The following ZNF892 variants were observed in gnomAD, a reference collection of about 807,000 sequenced individuals.
ZNF892 encodes the protein zinc finger protein 570-like.
the ZNF892 span, chr2:95,212,283 G>A: frequency 1.5e-5 from 6 of 398,404 alleles, no homozygotes; most frequent in Non-Finnish European, 4.4e-6. Flanking sequence ...AGTCAAAAGC[G>A]TGAGTGTTGG....
chr2:95,215,130 T>C, the ZNF892 span: 4 of 480,794 alleles, frequency 8.3e-6, no homozygotes, highest in East Asian at 6.5e-5. Flanking sequence ...GTGTAACGAA[T>C]GTGGCAAAGC....
the ZNF892 span, among the ~76,000 whole-genome samples, chr2:95,239,933 G>A: frequency 1.3e-5 from 2 of 152,182 alleles, no homozygotes; most frequent in Non-Finnish European, 2.9e-5. Context: ...TCTGACCTAC[G>A]GGATAGTTTA....
the ZNF892 span, among the ~76,000 whole-genome samples, chr2:95,256,032 C>T: frequency 6.6e-6 from 1 of 152,146 alleles, no homozygotes; most frequent in African/African-American, 2.4e-5. Flanking sequence ...ACTCTTTATC[C>T]AATTTGCCAG....
chr2:95,258,526 C>T, the ZNF892 span, among the ~76,000 whole-genome samples: 5,586 of 152,238 alleles, frequency 0.037, 150 homozygotes, highest in Admixed American at 0.072. Context: ...ATGTGGGTTA[C>T]AGATTGGCAA....
chr2:95,223,140 T>G, the ZNF892 span, among the ~76,000 whole-genome samples: 1 of 152,248 alleles, frequency 6.6e-6, no homozygotes, highest in African/African-American at 2.4e-5. Flanking sequence ...TCTTGATTAC[T>G]GTAGCTTTGT....
At chr2:95,261,230 C>T in the ZNF892 span, among the ~76,000 whole-genome samples, 4 of 152,096 alleles carry the variant, frequency 2.6e-5, no homozygotes, top group African/African-American at 4.8e-5. Context: ...TGATGACTGA[C>T]ATTCCTTCCT....
chr2:95,231,303 C>T, the ZNF892 span, among the ~76,000 whole-genome samples: 10 of 152,208 alleles, frequency 6.6e-5, no homozygotes, highest in East Asian at 1.9e-4. Context: ...CACTACAGTA[C>T]GTATTACATT....
chr2:95,232,812 C>CATGTATGTGTGTGTGTATATATATAT, the ZNF892 span, among the ~76,000 whole-genome samples: 1 of 144,760 alleles, frequency 6.9e-6, no homozygotes, highest in Non-Finnish European at 1.5e-5. Flanking sequence ...CCTATATATA[C>CATGTATGTGTGTGTGTATATATATAT]ATGTATGTAT....
chr2:95,254,354 G>T, the ZNF892 span, among the ~76,000 whole-genome samples: 1 of 152,064 alleles, frequency 6.6e-6, no homozygotes, highest in Non-Finnish European at 1.5e-5. Flanking sequence ...GGTTTTTGTT[G>T]TTGGTTCTGT....
the ZNF892 span, among the ~76,000 whole-genome samples, chr2:95,233,672 CAAAAAAAAAAAAA>C: frequency 1.1e-4 from 4 of 35,174 alleles, no homozygotes; most frequent in African/African-American, 2.5e-4. Context: ...GACTCCATCT[CAAAAAAAAAAAAA>C]AAAAAAAAAA....
chr2:95,220,352 T>G, the ZNF892 span, among the ~76,000 whole-genome samples: 5 of 151,594 alleles, frequency 3.3e-5, no homozygotes, highest in Admixed American at 1.3e-4. Flanking sequence ...TTGGGGCTTT[T>G]TTTTTTTTTT....
chr2:95,255,861 G>GT, the ZNF892 span, among the ~76,000 whole-genome samples: 1 of 152,142 alleles, frequency 6.6e-6, no homozygotes, highest in Non-Finnish European at 1.5e-5. Flanking sequence ...TTTGATCTTT[G>GT]TTGGTTTAAA....
chr2:95,253,878 ATCTG>A, the ZNF892 span, among the ~76,000 whole-genome samples: 1 of 150,848 alleles, frequency 6.6e-6, no homozygotes, highest in African/African-American at 2.4e-5. Flanking sequence ...TGATTTGGCT[ATCTG>A]TCTGTTATTG....
At chr2:95,227,614 G>A in the ZNF892 span, among the ~76,000 whole-genome samples, 4 of 151,702 alleles carry the variant, frequency 2.6e-5, no homozygotes, top group South Asian at 2.1e-4. Context: ...GAGCCACTGC[G>A]CCCAGATATT....
chr2:95,210,201 GTA>G, the ZNF892 span, among the ~76,000 whole-genome samples: 3 of 146,020 alleles, frequency 2.1e-5, no homozygotes, highest in African/African-American at 7.5e-5. Flanking sequence ...GTGTATATAT[GTA>G]TATATGTGTA....
the ZNF892 span, chr2:95,211,604 G>T: frequency 5.0e-6 from 2 of 398,422 alleles, no homozygotes; most frequent in African/African-American, 4.1e-5. Context: ...GCACCAATGT[G>T]TTTGGTTTTT....
chr2:95,219,438 T>A, the ZNF892 span, among the ~76,000 whole-genome samples: 1 of 152,242 alleles, frequency 6.6e-6, no homozygotes, highest in South Asian at 2.1e-4. Flanking sequence ...TTGTTCTGTT[T>A]CCTTGCTGAG....
At chr2:95,246,216 C>T in the ZNF892 span, among the ~76,000 whole-genome samples, 1 of 152,168 alleles carries the variant, frequency 6.6e-6, no homozygotes, top group African/African-American at 2.4e-5. Context: ...TCAACATATG[C>T]AAATCAGTAA....
chr2:95,222,498 C>T, the ZNF892 span, among the ~76,000 whole-genome samples: 1 of 152,144 alleles, frequency 6.6e-6, no homozygotes, highest in Non-Finnish European at 1.5e-5. Flanking sequence ...CAGGTATTCT[C>T]ATTGTTTTTA....
Sources: allele counts gnomAD v4.1 joint callset (sites outside exome capture counted in the v4.1 genomes callset), GRCh38; gene constraint gnomAD v4.1.1; transcripts MANE v1.5; gene names NCBI Gene and HGNC (gene_info 2026-07-23, HGNC 2026-07-21).